RANBP2: variants seen among roughly 807,000 people sequenced by gnomAD.
RANBP2 encodes RAN binding protein 2, also known as E3 SUMO-protein ligase RanBP2.
In RANBP2, 57 loss-of-function variants were observed where a neutral mutation model predicts 303.6. The observed-to-expected ratio is 0.19, with a 90% CI of 0.15 to 0.23. The LOEUF (loss-of-function observed/expected upper bound fraction) is 0.23, where lower values mean the gene tolerates loss of function less well. Ranked by LOEUF, RANBP2 falls within the 10% of genes least tolerant of loss-of-function variation. The pLI is 1.00. For synonymous variants in RANBP2, 1,167 were observed against 1,301.5 expected (o/e 0.90, Z 2.23); for missense variants, 3,138 against 3,780.8 (o/e 0.83, Z 4.46).
chr2:109,580,470 TAAAC>T, the RANBP2 span, among the ~76,000 whole-genome samples: 1 of 148,826 alleles, frequency 6.7e-6, no homozygotes, highest in Non-Finnish European at 1.5e-5. Context: ...ACCAACCAAA[TAAAC>T]AAAAAAACCA....
At chr2:109,078,138 G>A in the RANBP2 span, among the ~76,000 whole-genome samples, 383 of 55,638 alleles carry the variant, frequency 6.9e-3, 21 homozygotes, top group African/African-American at 0.032. Flanking sequence ...TATATATAGC[G>A]TGTATATATA....
the RANBP2 span, among the ~76,000 whole-genome samples, chr2:109,456,677 C>A: frequency 1.3e-5 from 2 of 152,222 alleles, no homozygotes; most frequent in Admixed American, 1.3e-4. Context: ...GATGAGACTT[C>A]TGGATCTCAG....
At chr2:108,738,468 G>A (rs1336886671) in intron 6 of RANBP2, among the ~76,000 whole-genome samples, 3 of 152,026 alleles carry the variant, frequency 2.0e-5, no homozygotes, top group South Asian at 2.1e-4. Flanking sequence ...CTTGTGATCC[G>A]CTTGCCTTGG....
the RANBP2 span, among the ~76,000 whole-genome samples, chr2:108,881,117 A>G: frequency 0.018 from 2,781 of 152,344 alleles, 72 homozygotes; most frequent in African/African-American, 0.064. Context: ...GTCTTCCAAT[A>G]GAAGGCTGTT....
At chr2:109,000,254 C>T in the RANBP2 span, among the ~76,000 whole-genome samples, 29 of 152,250 alleles carry the variant, frequency 1.9e-4, no homozygotes, top group East Asian at 5.8e-4. Context: ...AGGCCGGGCA[C>T]GGTGGCTCAT....
the RANBP2 span, among the ~76,000 whole-genome samples, chr2:109,237,655 G>A: frequency 6.6e-6 from 1 of 152,074 alleles, no homozygotes; most frequent in Non-Finnish European, 1.5e-5. Flanking sequence ...TATATTTTAT[G>A]TGAGGCCCAA....
the RANBP2 span, among the ~76,000 whole-genome samples, chr2:109,711,830 A>G: frequency 6.6e-6 from 1 of 151,962 alleles, no homozygotes; most frequent in Non-Finnish European, 1.5e-5. Flanking sequence ...TAGCACCTGA[A>G]AGTGTCCGTT....
chr2:109,126,188 C>A, the RANBP2 span, among the ~76,000 whole-genome samples: 1 of 152,204 alleles, frequency 6.6e-6, no homozygotes, highest in Admixed American at 6.5e-5. Context: ...TCATGCCCTG[C>A]CCAGTCACTG....
chr2:109,186,044 T>C, the RANBP2 span, among the ~76,000 whole-genome samples: 1 of 152,236 alleles, frequency 6.6e-6, no homozygotes, highest in Non-Finnish European at 1.5e-5. Context: ...GGATCCTGTT[T>C]TGTATTTAAC....
the RANBP2 span, chr2:109,733,179 T>C: frequency 6.8e-6 from 1 of 146,206 alleles, no homozygotes. Context: ...CTAGGTCAAA[T>C]GAAAAAAAAA....
the RANBP2 span, chr2:109,545,978 G>A: frequency 1.0e-5 from 15 of 1,504,378 alleles, no homozygotes; most frequent in South Asian, 1.4e-5. Flanking sequence ...AGTAAGAAGC[G>A]CTAGGAAGAT....
the RANBP2 span, among the ~76,000 whole-genome samples, chr2:109,285,254 G>T: frequency 1.3e-5 from 2 of 152,248 alleles, no homozygotes; most frequent in African/African-American, 4.8e-5. Flanking sequence ...TCCACTCAGT[G>T]TGAAGGGCAG....
chr2:109,463,520 C>T, the RANBP2 span, among the ~76,000 whole-genome samples: 13 of 152,248 alleles, frequency 8.5e-5, no homozygotes, highest in Admixed American at 4.6e-4. Flanking sequence ...TTCTCATAGT[C>T]GTGGTGAAAG....
the RANBP2 span, among the ~76,000 whole-genome samples, chr2:109,392,338 C>G: frequency 5.9e-5 from 9 of 152,284 alleles, no homozygotes; most frequent in African/African-American, 2.2e-4. Context: ...AATGGTGCTG[C>G]TTGTTCACTG....
chr2:108,955,842 C>A, the RANBP2 span, among the ~76,000 whole-genome samples: 1 of 152,072 alleles, frequency 6.6e-6, no homozygotes, highest in Non-Finnish European at 1.5e-5. Context: ...CTGGCTAACA[C>A]GGCGAAATAC....
At chr2:108,968,463 G>A in the RANBP2 span, among the ~76,000 whole-genome samples, 9 of 152,312 alleles carry the variant, frequency 5.9e-5, no homozygotes, top group East Asian at 7.7e-4. Flanking sequence ...GTCCCCAGCA[G>A]TTCTAACCAG....
chr2:108,975,797 G>A, the RANBP2 span, among the ~76,000 whole-genome samples: 1 of 152,174 alleles, frequency 6.6e-6, no homozygotes, highest in Admixed American at 6.5e-5. Flanking sequence ...GCATCAGGAT[G>A]TCTTGTGGTC....
At chr2:109,269,578 G>A in the RANBP2 span, among the ~76,000 whole-genome samples, 3 of 152,090 alleles carry the variant, frequency 2.0e-5, no homozygotes, top group Non-Finnish European at 2.9e-5. Context: ...CCCAAGAGTT[G>A]GAGACTAGCC....
At chr2:109,372,774 T>C in the RANBP2 span, among the ~76,000 whole-genome samples, 2,953 of 152,300 alleles carry the variant, frequency 0.019, 93 homozygotes, top group African/African-American at 0.061. Flanking sequence ...AGCTCAGTGC[T>C]GGGCTCCATG....
Sources: allele counts gnomAD v4.1 joint callset (sites outside exome capture counted in the v4.1 genomes callset), GRCh38; gene constraint gnomAD v4.1.1; transcripts MANE v1.5; gene names NCBI Gene and HGNC (gene_info 2026-07-23, HGNC 2026-07-21).